The following GSK3B variants were observed in gnomAD, a reference collection of about 807,000 sequenced individuals.
The protein encoded by GSK3B is glycogen synthase kinase-3 beta.
A neutral mutation model predicts 56.4 loss-of-function variants in GSK3B; 15 were observed. The ratio of observed to expected loss-of-function variants is 0.27; its 90% confidence interval spans 0.18 to 0.41. The LOEUF is 0.41. GSK3B is among the 10% of genes least tolerant of loss of function. The pLI, the probability that GSK3B is intolerant of heterozygous loss-of-function variation, is 1.00. For synonymous variants in GSK3B, 181 were observed against 188.9 expected (o/e 0.96, Z 0.34); for missense variants, 300 against 513.4 (o/e 0.58, Z 4.02).
At chr3:120,059,676 G>T (rs1421542268) in intron 1 of GSK3B, among the ~76,000 whole-genome samples, 3 of 152,122 alleles carry the variant, frequency 2.0e-5, no homozygotes, top group Non-Finnish European at 4.4e-5. Context: ...TGCCAGTTAG[G>T]CCAGAATCTC....
chr3:120,092,650 G>A (rs183062812), intron 1 of GSK3B, among the ~76,000 whole-genome samples: 1 of 152,244 alleles, frequency 6.6e-6, no homozygotes, highest in East Asian at 1.9e-4. Context: ...AAAACAGGAA[G>A]GTTAAGAGAT....
At chr3:119,981,054 C>A (rs1451592017) in intron 2 of GSK3B, among the ~76,000 whole-genome samples, 1 of 152,196 alleles carries the variant, frequency 6.6e-6, no homozygotes, top group East Asian at 1.9e-4. Flanking sequence ...TAACTCTTAG[C>A]TGGACAACTG....
chr3:120,078,973 C>T (rs115897799), intron 1 of GSK3B, among the ~76,000 whole-genome samples: 1 of 144,596 alleles, frequency 6.9e-6, no homozygotes, highest in Admixed American at 7.0e-5. Flanking sequence ...GACAGTCTCG[C>T]TGTCTCGCCC....
chr3:120,074,546 G>A (rs2058354032), intron 1 of GSK3B, among the ~76,000 whole-genome samples: 1 of 151,880 alleles, frequency 6.6e-6, no homozygotes, highest in Non-Finnish European at 1.5e-5. Flanking sequence ...TCGAACTCCT[G>A]ACCTCATGAT....
At chr3:119,990,312 C>A (rs930361587) in intron 2 of GSK3B, among the ~76,000 whole-genome samples, 1 of 152,116 alleles carries the variant, frequency 6.6e-6, no homozygotes, top group Non-Finnish European at 1.5e-5. Flanking sequence ...ACATTCCAAT[C>A]TTGTGATAAG....
At chr3:119,897,507 C>T (rs2056580878) in intron 7 of GSK3B, among the ~76,000 whole-genome samples, 1 of 151,640 alleles carries the variant, frequency 6.6e-6, no homozygotes, top group African/African-American at 2.4e-5. Context: ...AAGATGTTTA[C>T]CCTGGAGTTC....
intron 9 of GSK3B, among the ~76,000 whole-genome samples, chr3:119,845,355 T>G (rs1180437946): frequency 6.6e-6 from 1 of 152,108 alleles, no homozygotes. Context: ...GGTATTCAAA[T>G]AGGAAAAGAG....
Position 119,905,742 on chromosome 3 carries a change from T to C in GSK3B, c.813+13A>G, listed in dbSNP as rs1250834895. 1 of 1,384,788 alleles carries C rather than the reference T, an allele frequency of 7.2e-7. No homozygotes were observed. The highest frequency in any genetic ancestry group is 1.2e-5 in the South Asian group (1 of 86,438). 85.8% of individuals were successfully genotyped at this position (1,384,788 alleles called of 1,614,324 possible). On this transcript the variant is annotated intron_variant, in intron 7 of 10. Coordinates refer to ENST00000264235, the MANE Select transcript of GSK3B (RefSeq NM_001146156.2). ...TTCCTTCCAGTTCAAATATTCTGAT[T>C]CAACCTTCTCACCTTGATTATTTCT... is the stretch of plus-strand genomic sequence containing the variant.
chr3:120,070,825 T>C (rs2058321001), intron 1 of GSK3B, among the ~76,000 whole-genome samples: 1 of 152,184 alleles, frequency 6.6e-6, no homozygotes, highest in Admixed American at 6.5e-5. Flanking sequence ...AACCACACAG[T>C]GCCAACGTAG....
chr3:119,949,236 T>C (rs1485140487), intron 2 of GSK3B, among the ~76,000 whole-genome samples: 1 of 152,248 alleles, frequency 6.6e-6, no homozygotes, highest in Non-Finnish European at 1.5e-5. Flanking sequence ...TCAAAAAGAA[T>C]GCATAAGTGA....
chr3:120,057,735 G>A (rs2107549025), intron 1 of GSK3B, among the ~76,000 whole-genome samples: 1 of 152,242 alleles, frequency 6.6e-6, no homozygotes, highest in South Asian at 2.1e-4. Context: ...TACATGCCTT[G>A]TCACATTTAA....
At chr3:120,043,877 T>TA (rs1367025360) in intron 1 of GSK3B, among the ~76,000 whole-genome samples, 1 of 152,216 alleles carries the variant, frequency 6.6e-6, no homozygotes, top group East Asian at 1.9e-4. Flanking sequence ...CTAAACCTTC[T>TA]ACCCTGCCCT....
chr3:119,830,089 T>A (rs2055575009), intron 10 of GSK3B, among the ~76,000 whole-genome samples: 1 of 152,218 alleles, frequency 6.6e-6, no homozygotes. Flanking sequence ...GGCAAAGTTC[T>A]ATAAATTCAA....
chr3:119,909,320 TTTTG>T (rs2056713934), intron 6 of GSK3B, among the ~76,000 whole-genome samples: 1 of 152,170 alleles, frequency 6.6e-6, no homozygotes, highest in African/African-American at 2.4e-5. Flanking sequence ...CAGGTCTGTT[TTTTG>T]TTTGTTTTGG....
chr3:119,889,034 T>C (rs1303989951), intron 7 of GSK3B, among the ~76,000 whole-genome samples: 2 of 152,152 alleles, frequency 1.3e-5, no homozygotes. Context: ...TAGACCCTTA[T>C]CAAAAGTTCT....
intron 1 of GSK3B, among the ~76,000 whole-genome samples, chr3:120,049,326 G>A (rs2058128241): frequency 6.6e-6 from 1 of 152,158 alleles, no homozygotes; most frequent in South Asian, 2.1e-4. Flanking sequence ...GCCTGGCCTG[G>A]GTGGTTTTAA....
chr3:119,891,645 A>G (rs1317107178), intron 7 of GSK3B, among the ~76,000 whole-genome samples: 1 of 152,142 alleles, frequency 6.6e-6, no homozygotes, highest in Non-Finnish European at 1.5e-5. Context: ...AAAGACATAT[A>G]TTTTGAGTAA....
At chr3:120,000,918 C>CTTTTTTTTTTTTTTT (rs71156781) in intron 2 of GSK3B, among the ~76,000 whole-genome samples, 7 of 91,050 alleles carry the variant, frequency 7.7e-5, no homozygotes, top group African/African-American at 3.0e-4. Context: ...ATGTAATCTC[C>CTTTTTTTTTTTTTTT]TTTTTTTTTT....
At chr3:119,904,841 A>G (rs1213147386) in intron 7 of GSK3B, among the ~76,000 whole-genome samples, 1 of 152,096 alleles carries the variant, frequency 6.6e-6, no homozygotes, top group East Asian at 1.9e-4. Context: ...CAATTTTACA[A>G]TTCTATGCAA....
Sources: allele counts gnomAD v4.1 joint callset (sites outside exome capture counted in the v4.1 genomes callset), GRCh38; gene constraint gnomAD v4.1.1; transcripts MANE v1.5; gene names NCBI Gene and HGNC (gene_info 2026-07-23, HGNC 2026-07-21).